P2RX1: variants seen among roughly 807,000 people sequenced by gnomAD.
The protein encoded by P2RX1 is purinergic receptor P2X 1, also known as P2X purinoceptor 1.
Under a neutral mutation model 50.3 loss-of-function variants are expected in P2RX1, and 42 were observed. That is an observed-to-expected ratio of 0.83 (90% CI 0.65 to 1.08). P2RX1 has a LOEUF of 1.08. Ranked by LOEUF, P2RX1 falls within the 50% of genes least tolerant of loss-of-function variation. The pLI, the probability that P2RX1 is intolerant of heterozygous loss-of-function variation, is 0.00. For missense variants in P2RX1, 449 were observed against 529.0 expected (o/e 0.85, Z 1.48); for synonymous variants, 199 against 202.6 (o/e 0.98, Z 0.15).
At position 3,916,148 on chromosome 17, in the gene P2RX1, A is replaced by G. The variant is rs2052404917; in HGVS notation, c.78T>C (p.Asn26=). ...GTCGGAAGATAACGCCCACCTTCTT[A>G]TTACGCACCAGCACCATGCGGGGGG... The part of the protein sequence containing the change: ...YDTPRMVLVR[N]KKVGVIFRLI... Residue 26 remains asparagine, a synonymous_variant, in exon 1 of 12, where the codon AAT becomes AAC. Coordinates refer to ENST00000225538, the MANE Select transcript of P2RX1 (RefSeq NM_002558.4). 10 of 1,613,590 alleles carry G rather than the reference A, an allele frequency of 6.2e-6. No individual in the cohort carries two copies. Among genetic ancestry groups the G allele is most frequent in the Non-Finnish European group, 5.9e-6 (7 of 1,180,020 alleles).
At chr17:3,899,857 T>C (rs1184038154) in intron 7 of P2RX1, 96 bp from the exon 8 acceptor site, 7 of 1,494,340 alleles carry the variant, frequency 4.7e-6, no homozygotes, top group Admixed American at 3.4e-5. Context: ...TCCCAGCACT[T>C]TGGGAGGCAG....
Position 3,898,960 on chromosome 17 carries a change from G to C in P2RX1, c.940C>G (p.Arg314Gly), listed in dbSNP as rs754571109. ...TTGCCGTCCACCAGGATGTCAAAGC[G>C]AATCCCAAACACCTTGAAGAGGTGA... ...YRHLFKVFGI[R>G]FDILVDGKAG... Residue 314 changes from arginine (R) to glycine (G), a missense_variant, in exon 9 of 12, where the codon CGC becomes GGC. Arg to Gly is a moderately radical substitution (Grantham distance 125). Transcript: ENST00000225538. 7 of 1,613,632 alleles carry C rather than the reference G, an allele frequency of 4.3e-6. No homozygotes were observed. The East Asian group carries it at 1.6e-4, about 36-fold the overall frequency.
chr17:3,898,564 C>A lies in P2RX1; in HGVS notation c.967-15G>T. The stretch of plus-strand genomic sequence containing the variant: ...AACTTCCCGGCCTGGTGGCAGGACC[C>A]AGGGAGAGAAGGGCTAACCGTCGGA... On this transcript the variant is annotated splice_polypyrimidine_tract_variant and intron_variant, in intron 9 of 11. Coordinates refer to ENST00000225538, the MANE Select transcript of P2RX1 (RefSeq NM_002558.4). 6.2e-7 allele frequency: 1 copy of A among 1,609,772 alleles called. No homozygotes were observed. The highest frequency in any genetic ancestry group is 2.2e-5 in the East Asian group (1 of 44,814).
At chr17:3,900,156 A>G (rs902204483) in intron 7 of P2RX1, among the ~76,000 whole-genome samples, 2 of 151,390 alleles carry the variant, frequency 1.3e-5, no homozygotes, top group Non-Finnish European at 2.9e-5. Context: ...CTCTCTCAAG[A>G]ACAGACCATT....
At chr17:3,904,753 G>T (rs2056226802) in intron 3 of P2RX1, 105 bp downstream of exon 3, 1 of 866,928 alleles carries the variant, frequency 1.2e-6, no homozygotes. Context: ...TATGGCCCCT[G>T]CAGGAAGCCT....
At chr17:3,904,485 G>T in intron 3 of P2RX1, 86 bp from the exon 4 acceptor site, 1 of 1,176,458 alleles carries the variant, frequency 8.5e-7, no homozygotes. Flanking sequence ...GGGCCCTAGG[G>T]AGAGCGTGGG....
intron 1 of P2RX1, among the ~76,000 whole-genome samples, chr17:3,907,464 C>G (rs938846546): frequency 6.6e-6 from 1 of 152,056 alleles, no homozygotes; most frequent in African/African-American, 2.4e-5. Context: ...CAATGGACTC[C>G]CTGCTCCTTC....
intron 1 of P2RX1, among the ~76,000 whole-genome samples, chr17:3,907,209 A>G (rs914796565): frequency 5.9e-5 from 9 of 152,068 alleles, no homozygotes; most frequent in Non-Finnish European, 1.2e-4. Flanking sequence ...TTGCTTGCAA[A>G]TGAAATAGTC....
At position 3,898,979 on chromosome 17, in the gene P2RX1, G is replaced by T. The variant is rs369912006; in HGVS notation, c.921C>A (p.Leu307=). 4 of 1,613,714 alleles carry T rather than the reference G, an allele frequency of 2.5e-6. No homozygotes were observed. Among genetic ancestry groups the T allele is most frequent in the Non-Finnish European group, 3.4e-6 (4 of 1,179,904 alleles). Residue 307 remains leucine (L), a synonymous_variant, in exon 9 of 12, where the codon CTC becomes CTA. Coordinates refer to ENST00000225538, the MANE Select transcript of P2RX1 (RefSeq NM_002558.4). Reference sequence around the variant, plus strand: ...CAAAGCGAATCCCAAACACCTTGAAGAGGTGACGGTAGTTGGTCCCGTTCT... The same window carrying T: ...CAAAGCGAATCCCAAACACCTTGAATAGGTGACGGTAGTTGGTCCCGTTCT... ...FVENGTNYRH[L]FKVFGIRFDI...
chr17:3,909,503 A>G (rs950647468), intron 1 of P2RX1, among the ~76,000 whole-genome samples: 1 of 152,060 alleles, frequency 6.6e-6, no homozygotes, highest in Non-Finnish European at 1.5e-5. Context: ...CCAGAATTCT[A>G]TCTCCAGACT....
chr17:3,899,015 C>G lies in P2RX1; in HGVS notation c.885G>C (p.Arg295Ser), dbSNP rs759791296. Reference sequence around the variant, plus strand: ...AGTTGGTCCCGTTCTCCACAAAGTGCCTGGCAAACCTTGGGGAAGGGATGA... The same window carrying G: ...AGTTGGTCCCGTTCTCCACAAAGTGGCTGGCAAACCTTGGGGAAGGGATGA... ...LSPGFNFRFA[R>S]HFVENGTNYR... Residue 295 changes from arginine (R) to serine (S), a missense_variant, in exon 9 of 12, where the codon AGG becomes AGC. By Grantham distance (110) the Arg-to-Ser change is moderately radical. Coordinates refer to ENST00000225538, the MANE Select transcript of P2RX1 (RefSeq NM_002558.4). The G allele has an allele frequency of 8.7e-6, 14 of 1,612,270 alleles. No individual in the cohort carries two copies. Among genetic ancestry groups the G allele is most frequent in the Non-Finnish European group, 1.2e-5 (14 of 1,179,256 alleles).
At chr17:3,912,769 G>GA (rs2056386898) in intron 1 of P2RX1, among the ~76,000 whole-genome samples, 1 of 152,188 alleles carries the variant, frequency 6.6e-6, no homozygotes, top group Admixed American at 6.5e-5. Context: ...ACCAGGCATG[G>GA]AGAAGATGCT....
chr17:3,913,779 C>T (rs2056403426), intron 1 of P2RX1, among the ~76,000 whole-genome samples: 1 of 152,222 alleles, frequency 6.6e-6, no homozygotes, highest in South Asian at 2.1e-4. Flanking sequence ...TCCTTTCCAT[C>T]CCCTGGCAGT....
chr17:3,913,863 G>GC (rs67357641), intron 1 of P2RX1, among the ~76,000 whole-genome samples: 3 of 96,312 alleles, frequency 3.1e-5, no homozygotes, highest in South Asian at 3.9e-4. Flanking sequence ...GCACTCTTGG[G>GC]GGGGGTGGTC....
At chr17:3,911,153 A>AT (rs35055902) in intron 1 of P2RX1, among the ~76,000 whole-genome samples, 2,559 of 138,212 alleles carry the variant, frequency 0.019, 115 homozygotes, top group East Asian at 0.17. Context: ...CACCTGGGTA[A>AT]TTTTTTTTTT....
In P2RX1 at chr17:3,901,275, G is replaced by A. The variant is rs528249275; in HGVS notation, c.748-1514C>T. Among the ~76,000 whole-genome samples the A allele has an allele frequency of 2.2e-4, 33 of 152,324 alleles. No homozygotes were observed. The East Asian group carries it at 3.1e-3, about 14-fold the overall frequency. ...GTAGAGACGGGGTTTCACCGTGTTA[G>A]CCAGGATGGTCTCGATCTCCTGACC... On this transcript the variant is annotated intron_variant, in intron 7 of 11. Transcript: ENST00000225538.
intron 3 of P2RX1, chr17:3,904,630 G>A: frequency 1.6e-6 from 1 of 628,662 alleles, no homozygotes; most frequent in Admixed American, 2.6e-5. Flanking sequence ...GGCGGTGGGG[G>A]TGGGCACGAA....
intron 1 of P2RX1, among the ~76,000 whole-genome samples, chr17:3,906,692 C>T (rs972685523): frequency 1.3e-5 from 2 of 152,196 alleles, no homozygotes; most frequent in Non-Finnish European, 2.9e-5. Flanking sequence ...AAATTCTGGC[C>T]TTGCCTTCCC....
At chr17:3,911,448 A>G (rs1045437516) in intron 1 of P2RX1, among the ~76,000 whole-genome samples, 1 of 152,218 alleles carries the variant, frequency 6.6e-6, no homozygotes, top group Non-Finnish European at 1.5e-5. Context: ...AATGGGCAGA[A>G]GCTGAGCAGG....
Sources: allele counts gnomAD v4.1 joint callset (sites outside exome capture counted in the v4.1 genomes callset), GRCh38; gene constraint gnomAD v4.1.1; transcripts MANE v1.5; gene names NCBI Gene and HGNC (gene_info 2026-07-23, HGNC 2026-07-21).